DSCAM: variants seen among roughly 807,000 people sequenced by gnomAD.
DSCAM encodes the protein cell adhesion molecule DSCAM.
DSCAM carries 47 observed loss-of-function variants against 217.7 expected under a neutral mutation model. The observed-to-expected ratio is 0.22, with a 90% CI of 0.17 to 0.28. The LOEUF is 0.28. Among genes scored for constraint, DSCAM ranks in the 10% least tolerant of loss-of-function variants. The probability of loss-of-function intolerance (pLI) is 1.00; values close to 1 mark genes in which losing one functional copy is unlikely to be tolerated. For missense variants in DSCAM, 2,080 were observed against 2,618.3 expected (o/e 0.79, Z 4.49); for synonymous variants, 1,056 against 1,015.3 (o/e 1.04, Z -0.76).
rs1035082521 is a variant in DSCAM, at chr21:40,601,801, G to C, written c.508+91009C>G. 2.0e-5 allele frequency among the ~76,000 whole-genome samples: 3 copies of C among 152,028 alleles called. No homozygotes were observed. In the South Asian group the frequency reaches 6.2e-4, roughly 31 times the overall value. On this transcript the variant is annotated intron_variant, in intron 3 of 32. Coordinates refer to ENST00000400454, the MANE Select transcript of DSCAM (RefSeq NM_001389.5). ...TTCATTCTTCAGCCTATTATAATGCGATAGGTTACATTTCCTCATTTTCTA... is the reference window on the plus strand; with the variant it reads ...TTCATTCTTCAGCCTATTATAATGCCATAGGTTACATTTCCTCATTTTCTA...
chr21:40,204,566 T>C (rs974598782), intron 11 of DSCAM, among the ~76,000 whole-genome samples: 2 of 152,192 alleles, frequency 1.3e-5, no homozygotes, highest in Non-Finnish European at 2.9e-5. Flanking sequence ...TATAGGTTTG[T>C]GGAAGGGACA....
chr21:40,549,161 T>C (rs950060735), intron 3 of DSCAM, among the ~76,000 whole-genome samples: 1 of 152,320 alleles, frequency 6.6e-6, no homozygotes, highest in East Asian at 1.9e-4. Flanking sequence ...GCACTTCAGC[T>C]TGGGCAACAC....
chr21:40,078,061 T>C (rs2089394202), intron 26 of DSCAM, among the ~76,000 whole-genome samples: 1 of 152,278 alleles, frequency 6.6e-6, no homozygotes, highest in South Asian at 2.1e-4. Flanking sequence ...CCAGAAAAAA[T>C]GAGTGAGATT....
chr21:40,243,119 A>T (rs2073175444), intron 11 of DSCAM, among the ~76,000 whole-genome samples: 1 of 152,164 alleles, frequency 6.6e-6, no homozygotes, highest in Non-Finnish European at 1.5e-5. Flanking sequence ...CACCCCTGGG[A>T]TTCTGTTACA....
At chr21:40,497,722 CAATA>C (rs1384002200) in intron 3 of DSCAM, among the ~76,000 whole-genome samples, 3 of 152,106 alleles carry the variant, frequency 2.0e-5, no homozygotes, top group South Asian at 2.1e-4. Context: ...CTGTTGTACA[CAATA>C]AATATATATA....
intron 4 of DSCAM, among the ~76,000 whole-genome samples, chr21:40,364,445 G>C (rs1343523117): frequency 6.7e-6 from 1 of 148,886 alleles, no homozygotes; most frequent in Non-Finnish European, 1.5e-5. Flanking sequence ...ACCAAACACC[G>C]CATGTTCTCA....
chr21:40,195,089 TTAAA>T (rs913341163), intron 11 of DSCAM, among the ~76,000 whole-genome samples: 4 of 152,188 alleles, frequency 2.6e-5, no homozygotes, highest in Non-Finnish European at 4.4e-5. Context: ...TATTTATTAA[TTAAA>T]TAATTAAAAT....
At chr21:40,122,823 A>G (rs1311334605) in intron 20 of DSCAM, among the ~76,000 whole-genome samples, 1 of 152,220 alleles carries the variant, frequency 6.6e-6, no homozygotes, top group East Asian at 1.9e-4. Context: ...TTCATGGGCC[A>G]AGCAAGCCCA....
chr21:40,709,995 G>C (rs59935134), intron 1 of DSCAM, among the ~76,000 whole-genome samples: 17,960 of 152,124 alleles, frequency 0.12, 1,160 homozygotes, highest in Admixed American at 0.18. Flanking sequence ...ATCCTCTCCA[G>C]CATCTGTTGT....
chr21:40,811,764 C>G (rs1184695447), intron 1 of DSCAM, among the ~76,000 whole-genome samples: 1 of 152,128 alleles, frequency 6.6e-6, no homozygotes, highest in Admixed American at 6.6e-5. Flanking sequence ...TTTGAGAAAT[C>G]TTTATCTCCC....
At chr21:40,431,082 T>C (rs528908370) in intron 3 of DSCAM, among the ~76,000 whole-genome samples, 2 of 152,308 alleles carry the variant, frequency 1.3e-5, no homozygotes, top group East Asian at 1.9e-4. Flanking sequence ...CGAAGATAAA[T>C]AGAACAAAAA....
intron 1 of DSCAM, among the ~76,000 whole-genome samples, chr21:40,761,364 A>G (rs2091333334): frequency 6.6e-6 from 1 of 151,878 alleles, no homozygotes; most frequent in Admixed American, 6.6e-5. Context: ...AAAGCCAACA[A>G]CATAGCATCT....
At chr21:40,155,343 G>T (rs2090464809) in intron 16 of DSCAM, among the ~76,000 whole-genome samples, 1 of 152,186 alleles carries the variant, frequency 6.6e-6, no homozygotes. Flanking sequence ...CAAAAGAGGG[G>T]GTATGCTAGT....
At chr21:40,620,372 AAGAAAGAAAGAAAG>A (rs1055944575) in intron 3 of DSCAM, among the ~76,000 whole-genome samples, 1 of 97,706 alleles carries the variant, frequency 1.0e-5, no homozygotes, top group African/African-American at 3.2e-5. Flanking sequence ...AAGAAAAAGA[AAGAAAGAAAGAAAG>A]AGAAAGAAAG....
At chr21:40,768,538 T>G (rs1300882489) in intron 1 of DSCAM, among the ~76,000 whole-genome samples, 2 of 152,232 alleles carry the variant, frequency 1.3e-5, no homozygotes, top group African/African-American at 2.4e-5. Flanking sequence ...AGGAAAAGAT[T>G]AGAGATGGCT....
rs921162090 is a variant in DSCAM, at chr21:40,453,895, G to A, written c.509-84650C>T. 1.3e-4 allele frequency among the ~76,000 whole-genome samples: 20 copies of A among 152,292 alleles called. No individual in the cohort carries two copies. The East Asian group carries it at 3.9e-3, about 29-fold the overall frequency. On this transcript the variant is annotated intron_variant, in intron 3 of 32. Transcript: ENST00000400454. ...TTGAATCAGCAAAGGCATCCATTGTGTGTAAGTACATCGAAGCAGGGGATA... is the reference window on the plus strand; with the variant it reads ...TTGAATCAGCAAAGGCATCCATTGTATGTAAGTACATCGAAGCAGGGGATA...
At chr21:40,433,422 C>CT (rs2075554949) in intron 3 of DSCAM, among the ~76,000 whole-genome samples, 1 of 151,078 alleles carries the variant, frequency 6.6e-6, no homozygotes, top group South Asian at 2.1e-4. Flanking sequence ...GAAAGCATAA[C>CT]ATCTGCCTGT....
rs755579756 is a variant in DSCAM at position 40,124,232 on chromosome 21, C to T, written c.3659G>A (p.Arg1220Gln). ...LPPLKLNGII[R>Q]KYTVFCSHPY... ...GTGGGAGCAGAATACAGTGTACTTT[C>T]GGATGATGCCGTTCAGCTTGAGAGG... is the stretch of plus-strand genomic sequence containing the variant. The change falls in exon 20 of 33, where the codon CGA becomes CAA. Residue 1220 changes from arginine (R) to glutamine (Q), a missense_variant. By Grantham distance (43) the Arg-to-Gln change is conservative. This residue lies in a region of DSCAM where 1,144 missense variants were observed against 1,421.1 expected (regional missense o/e 0.81). Coordinates refer to ENST00000400454, the MANE Select transcript of DSCAM (RefSeq NM_001389.5). 3.7e-6 allele frequency: 6 copies of T among 1,613,808 alleles called. No homozygotes were observed. The highest frequency in any genetic ancestry group is 3.3e-5 in the Admixed American group (2 of 59,982).
chr21:40,370,651 G>A (rs1402262434), intron 3 of DSCAM, among the ~76,000 whole-genome samples: 1 of 151,664 alleles, frequency 6.6e-6, no homozygotes, highest in Non-Finnish European at 1.5e-5. Context: ...GATAAGGTCT[G>A]GCTGTATTAT....
Sources: gnomAD v4.1 joint callset for allele counts (sites outside exome capture counted in the v4.1 genomes callset) on GRCh38, gnomAD v4.1.1 for gene constraint, gnomAD v4.1.1 regional missense constraint, MANE v1.5 for transcripts, NCBI Gene and HGNC (gene_info 2026-07-23, HGNC 2026-07-21) for gene names.